MTHFD1L: variants seen among roughly 807,000 people sequenced by gnomAD.
The protein encoded by MTHFD1L is methylenetetrahydrofolate dehydrogenase (NADP+ dependent) 1 like, also known as monofunctional C1-tetrahydrofolate synthase, mitochondrial.
A neutral mutation model predicts 119.5 loss-of-function variants in MTHFD1L; 81 were observed. The observed-to-expected ratio is 0.68, with a 90% CI of 0.57 to 0.82. The LOEUF is 0.82. Among genes scored for constraint, MTHFD1L ranks in the 40% least tolerant of loss-of-function variants. The pLI, the probability that MTHFD1L is intolerant of heterozygous loss-of-function variation, is 0.00. For synonymous variants in MTHFD1L, 430 were observed against 475.2 expected (o/e 0.90, Z 1.24); for missense variants, 1,125 against 1,253.4 (o/e 0.90, Z 1.55).
chr6:151,015,227 T>C (rs6910226), intron 23 of MTHFD1L, among the ~76,000 whole-genome samples: 1 of 142,630 alleles, frequency 7.0e-6, no homozygotes, highest in East Asian at 2.0e-4. Context: ...TTTTTTTTTT[T>C]TAATTCTACC....
At chr6:151,098,930 A>G (rs1420501949) in intron 27 of MTHFD1L, among the ~76,000 whole-genome samples, 1 of 152,002 alleles carries the variant, frequency 6.6e-6, no homozygotes, top group Non-Finnish European at 1.5e-5. Context: ...AATCCCAGCA[A>G]TTTGGGAGGC....
At chr6:150,951,782 G>A (rs1196493342) in intron 16 of MTHFD1L, among the ~76,000 whole-genome samples, 1 of 150,984 alleles carries the variant, frequency 6.6e-6, no homozygotes, top group Non-Finnish European at 1.5e-5. Flanking sequence ...TGTCCAAAAT[G>A]TATTGTCATC....
At position 150,865,945 on chromosome 6, in the gene MTHFD1L, T is replaced by C. The variant is rs1412023383; in HGVS notation, c.123T>C (p.Gly41=). The change falls in exon 1 of 28, where the codon GGT becomes GGC. Residue 41 remains glycine, a synonymous_variant. Coordinates refer to ENST00000367321, the MANE Select transcript of MTHFD1L (RefSeq NM_015440.5). ...GCGGCGGCGGCGGAGGCGGCGGCGG[T>C]GGCCGGGAGGGCCTGCTTGGACAGC... ...ASSGGGGGGG[G]GREGLLGQRR... 3.3e-6 allele frequency: 4 copies of C among 1,221,368 alleles called. No homozygotes were observed. Among genetic ancestry groups the C allele is most frequent in the Non-Finnish European group, 4.1e-6 (4 of 984,992 alleles). 75.7% of individuals were successfully genotyped at this position (1,221,368 alleles called of 1,614,324 possible).
intron 26 of MTHFD1L, among the ~76,000 whole-genome samples, chr6:151,083,288 C>A (rs1793395281): frequency 6.6e-6 from 1 of 152,174 alleles, no homozygotes; most frequent in Non-Finnish European, 1.5e-5. Context: ...ACCTCTGCCT[C>A]CCAGGTTCAA....
At chr6:150,971,110 A>T (rs1380133326) in intron 19 of MTHFD1L, among the ~76,000 whole-genome samples, 1 of 152,258 alleles carries the variant, frequency 6.6e-6, no homozygotes, top group Non-Finnish European at 1.5e-5. Flanking sequence ...GGGATGGAGA[A>T]GTTGACCAAA....
intron 13 of MTHFD1L, 71 bp downstream of exon 13, chr6:150,938,816 C>G: frequency 6.7e-7 from 1 of 1,503,108 alleles, no homozygotes; most frequent in Non-Finnish European, 9.1e-7. Flanking sequence ...CTGCTCCCAT[C>G]CACACAGGCC....
chr6:150,876,578 A>C (rs1214800605), intron 2 of MTHFD1L, among the ~76,000 whole-genome samples: 1 of 152,208 alleles, frequency 6.6e-6, no homozygotes, highest in Non-Finnish European at 1.5e-5. Context: ...TTTTTACTCT[A>C]TCTTTTAAAA....
chr6:150,895,348 C>T (rs1249610056), intron 7 of MTHFD1L, among the ~76,000 whole-genome samples: 1 of 152,004 alleles, frequency 6.6e-6, no homozygotes, highest in Admixed American at 6.6e-5. Context: ...CAGGGCCCTG[C>T]TCCCTCGGGA....
At chr6:151,000,335 CAAAAAA>C (rs946814251) in intron 20 of MTHFD1L, among the ~76,000 whole-genome samples, 1 of 75,304 alleles carries the variant, frequency 1.3e-5, no homozygotes, top group African/African-American at 4.5e-5. Context: ...GACTCTGTCT[CAAAAAA>C]AAAAAAAAAA....
chr6:151,092,693 T>A, intron 27 of MTHFD1L, 106 bp downstream of exon 27: 1 of 642,410 alleles, frequency 1.6e-6, no homozygotes, highest in South Asian at 2.1e-5. Flanking sequence ...TGATAAATCC[T>A]TTCCTTCCTT....
rs562705623 is a variant in MTHFD1L at position 151,019,403 on chromosome 6, C to T, written c.2586+3710C>T. 2.0e-5 allele frequency among the ~76,000 whole-genome samples: 3 copies of T among 152,288 alleles called. No individual in the cohort carries two copies. The South Asian group carries it at 6.2e-4, about 32-fold the overall frequency. ...TCTGAGTTATGCTGTCTCAGACATG[C>T]ACTAACCCTAACATGAACCCTTTTC... is the stretch of plus-strand genomic sequence containing the variant. On this transcript the variant is annotated intron_variant, in intron 24 of 27. Transcript: ENST00000367321.
At chr6:150,898,228 A>G (rs1414700870) in intron 7 of MTHFD1L, among the ~76,000 whole-genome samples, 2 of 152,150 alleles carry the variant, frequency 1.3e-5, no homozygotes, top group African/African-American at 2.4e-5. Context: ...TTTCCTTTTC[A>G]TGGCTTTTCA....
chr6:150,935,044 G>C, intron 11 of MTHFD1L: 1 of 1,613,552 alleles, frequency 6.2e-7, no homozygotes, highest in Non-Finnish European at 8.5e-7. Context: ...TTGTTATTCT[G>C]GGTTTGGACT....
chr6:151,091,168 C>T lies in MTHFD1L; in HGVS notation c.2848-1299C>T, dbSNP rs538978170. On this transcript the variant is annotated intron_variant, in intron 26 of 27. Coordinates refer to ENST00000367321, the MANE Select transcript of MTHFD1L (RefSeq NM_015440.5). ...CGCCCCATGTGACTGGGTGCAGCAT[C>T]GTTCCATGCGACTGGGTGCAGCATC... is the stretch of plus-strand genomic sequence containing the variant. 1.2e-4 allele frequency among the ~76,000 whole-genome samples: 15 copies of T among 130,102 alleles called. No individual in the cohort carries two copies. The South Asian group carries it at 1.6e-3, about 13-fold the overall frequency. The allele number at this position is 130,102 out of a possible 152,430, so 85.4% of individuals were successfully genotyped here.
At chr6:151,049,547 A>T (rs578141634) in intron 26 of MTHFD1L, among the ~76,000 whole-genome samples, 1 of 150,980 alleles carries the variant, frequency 6.6e-6, no homozygotes, top group Non-Finnish European at 1.5e-5. Flanking sequence ...CTGTAAGCCA[A>T]GCTACTAGGG....
At chr6:150,944,911 T>A (rs1793680877) in intron 14 of MTHFD1L, among the ~76,000 whole-genome samples, 1 of 152,252 alleles carries the variant, frequency 6.6e-6, no homozygotes, top group South Asian at 2.1e-4. Context: ...ATAGGTCCAA[T>A]CTCTGATCTG....
intron 1 of MTHFD1L, among the ~76,000 whole-genome samples, chr6:150,875,870 T>A (rs1431749696): frequency 2.0e-5 from 3 of 152,194 alleles, no homozygotes; most frequent in Non-Finnish European, 4.4e-5. Context: ...TGTTTCCCTC[T>A]GCATATTTTA....
chr6:151,065,302 G>A (rs796743015), intron 26 of MTHFD1L, among the ~76,000 whole-genome samples: 6 of 152,256 alleles, frequency 3.9e-5, no homozygotes, highest in Middle Eastern at 3.4e-3. Flanking sequence ...AGGGACTCAC[G>A]CCATCTTGAC....
At chr6:150,890,571 G>A (rs544106301) in intron 7 of MTHFD1L, among the ~76,000 whole-genome samples, 9 of 152,244 alleles carry the variant, frequency 5.9e-5, no homozygotes, top group South Asian at 2.1e-4. Flanking sequence ...ATATGTTACC[G>A]GTGGCAGCTA....
Sources: gnomAD v4.1 joint callset for allele counts (sites outside exome capture counted in the v4.1 genomes callset) on GRCh38, gnomAD v4.1.1 for gene constraint, MANE v1.5 for transcripts, NCBI Gene and HGNC (gene_info 2026-07-23, HGNC 2026-07-21) for gene names.